The following EML4 variants were observed in gnomAD, a reference collection of about 807,000 sequenced individuals.
EML4 encodes EMAP like 4, also known as echinoderm microtubule-associated protein-like 4.
A neutral mutation model predicts 129.0 loss-of-function variants in EML4; 72 were observed. The observed-to-expected ratio is 0.56, with a 90% CI of 0.46 to 0.68. The LOEUF is 0.68. Among genes scored for constraint, EML4 ranks in the 30% least tolerant of loss-of-function variants. EML4 has a pLI of 0.00. For missense variants in EML4, 1,363 were observed against 1,190.6 expected (o/e 1.14, Z -2.13); for synonymous variants, 532 against 405.0 (o/e 1.31, Z -3.77).
At chr2:42,217,000 G>C (rs527541237) in intron 1 of EML4, among the ~76,000 whole-genome samples, 8 of 151,636 alleles carry the variant, frequency 5.3e-5, no homozygotes, top group South Asian at 2.1e-4. Flanking sequence ...AAGGAAGTTA[G>C]AAAAAAAATA....
At chr2:42,179,642 G>T (rs768918152) in intron 1 of EML4, among the ~76,000 whole-genome samples, 8 of 152,090 alleles carry the variant, frequency 5.3e-5, no homozygotes, top group African/African-American at 1.4e-4. Context: ...TCGCTCTGTC[G>T]CCCAGGCTGG....
At chr2:42,244,452 A>C (rs1461717889) in intron 1 of EML4, among the ~76,000 whole-genome samples, 2 of 152,186 alleles carry the variant, frequency 1.3e-5, no homozygotes, top group Non-Finnish European at 2.9e-5. Flanking sequence ...ATACAGTAGT[A>C]TAGTCTAAAG....
Position 42,331,440 on chromosome 2 carries a change from T to A in EML4, c.*1233T>A, listed in dbSNP as rs928706493. 1 of 223,842 alleles carries A rather than the reference T, an allele frequency of 4.5e-6. No individual in the cohort carries two copies. The highest frequency in any genetic ancestry group is 2.2e-5 in the African/African-American group (1 of 44,820). The allele number at this position is 223,842 out of a possible 1,614,324, so 13.9% of individuals were successfully genotyped here. A position where few individuals can be genotyped will look rare whatever the true frequency, so the allele number is the denominator to read the frequency against. On this transcript the variant is annotated 3_prime_UTR_variant, in exon 23 of 23. Transcript: ENST00000318522. ...TTAAGTTCTGTTGGCTAGCTATGGT[T>A]TTCAGTACATTTCCTACTTTAAGAG...
At chr2:42,216,738 A>G (rs1466153309) in intron 1 of EML4, among the ~76,000 whole-genome samples, 2 of 152,188 alleles carry the variant, frequency 1.3e-5, no homozygotes, top group Non-Finnish European at 2.9e-5. Flanking sequence ...ATTTCACTGA[A>G]TGGCTGGACT....
chr2:42,263,103 G>T, intron 4 of EML4, 75 bp from the exon 5 acceptor site: 1 of 1,237,130 alleles, frequency 8.1e-7, no homozygotes, highest in Non-Finnish European at 1.2e-6. Context: ...TGCTGCTTTT[G>T]TGTTCTGTTT....
At chr2:42,264,970 G>T in intron 6 of EML4, 2 of 1,547,322 alleles carry the variant, frequency 1.3e-6, no homozygotes, top group Non-Finnish European at 1.7e-6. Context: ...AAGCTACGCA[G>T]TTGGTTGCCT....
chr2:42,281,097 A>G (rs1252453977), intron 7 of EML4, 124 bp downstream of exon 7: 1 of 853,022 alleles, frequency 1.2e-6, no homozygotes, highest in Non-Finnish European at 1.7e-6. Context: ...TTAAAAAATT[A>G]AAAAGGAAAC....
At chr2:42,299,064 GT>G (rs1465834569) in intron 13 of EML4, among the ~76,000 whole-genome samples, 2 of 152,148 alleles carry the variant, frequency 1.3e-5, no homozygotes, top group African/African-American at 4.8e-5. Flanking sequence ...ACACAGTTGT[GT>G]TGTTCAATTT....
chr2:42,290,367 G>A (rs184885938), intron 11 of EML4, among the ~76,000 whole-genome samples: 9 of 151,936 alleles, frequency 5.9e-5, no homozygotes, highest in African/African-American at 1.2e-4. Flanking sequence ...TCAGTAAGGC[G>A]AGGGCAGCCC....
chr2:42,190,285 C>A (rs78634710), intron 1 of EML4, among the ~76,000 whole-genome samples: 1,748 of 152,204 alleles, frequency 0.011, 14 homozygotes, highest in Non-Finnish European at 0.017. Context: ...TGAGTCCCCC[C>A]ACAATGTCAG....
At chr2:42,287,478 TAAAG>T (rs1667374223) in intron 10 of EML4, among the ~76,000 whole-genome samples, 2 of 152,174 alleles carry the variant, frequency 1.3e-5, no homozygotes, top group South Asian at 2.1e-4. Context: ...GGCTAAGAGA[TAAAG>T]AGGAGAAGAG....
chr2:42,264,943 A>G, intron 6 of EML4: 1 of 1,550,486 alleles, frequency 6.4e-7, no homozygotes, highest in Non-Finnish European at 8.7e-7. Context: ...CGCGAAAAAA[A>G]CAGCCAAGGT....
chr2:42,182,303 C>T (rs894514046), intron 1 of EML4, among the ~76,000 whole-genome samples: 1 of 127,078 alleles, frequency 7.9e-6, no homozygotes, highest in African/African-American at 2.9e-5. Context: ...TGCTATCCCT[C>T]CCCCCTCCCC....
At chr2:42,222,137 T>G (rs1673644676) in intron 1 of EML4, among the ~76,000 whole-genome samples, 1 of 152,132 alleles carries the variant, frequency 6.6e-6, no homozygotes, top group South Asian at 2.1e-4. Context: ...AGAAGATAAT[T>G]TCTCAGCCCT....
At chr2:42,184,685 A>G (rs997150659) in intron 1 of EML4, among the ~76,000 whole-genome samples, 3 of 151,992 alleles carry the variant, frequency 2.0e-5, no homozygotes, top group Non-Finnish European at 2.9e-5. Flanking sequence ...GTTTAAGTCC[A>G]TCTCTTCTTT....
At chr2:42,222,728 A>G (rs547973731) in intron 1 of EML4, among the ~76,000 whole-genome samples, 4 of 152,318 alleles carry the variant, frequency 2.6e-5, no homozygotes, top group South Asian at 4.1e-4. Context: ...CTTAAAATAT[A>G]TATCCATTGA....
Position 42,317,433 on chromosome 2 carries a change from C to A in EML4, c.2063C>A (p.Thr688Asn). The A allele has an allele frequency of 4.4e-6, 7 of 1,606,262 alleles. No individual in the cohort carries two copies. Among genetic ancestry groups the A allele is most frequent in the South Asian group, 1.1e-5 (1 of 90,438 alleles). The change falls in exon 19 of 23, where the codon ACC (threonine) becomes AAC (asparagine). Residue 688 changes from threonine (T) to asparagine (N), a missense_variant. Physicochemically the swap from Thr to Asn is moderately conservative, Grantham distance 65. Coordinates refer to ENST00000318522, the MANE Select transcript of EML4 (RefSeq NM_019063.5). Reference protein sequence around the residue: ...LSVMRYSIDGTFLAVGSHDNF... With the variant: ...LSVMRYSIDGNFLAVGSHDNF... ...CTGACCTATTTTATTCTAGATGGTA[C>A]CTTCCTGGCTGTAGGATCTCATGAC...
intron 11 of EML4, among the ~76,000 whole-genome samples, chr2:42,290,384 C>G (rs554774432): frequency 6.6e-6 from 1 of 151,880 alleles, no homozygotes; most frequent in African/African-American, 2.4e-5. Flanking sequence ...GCCCAGATGA[C>G]CCGAGCTTGT....
At chr2:42,266,931 A>G (rs1038647754) in intron 6 of EML4, among the ~76,000 whole-genome samples, 13 of 152,196 alleles carry the variant, frequency 8.5e-5, no homozygotes, top group Admixed American at 3.3e-4. Flanking sequence ...GATGTGTGGA[A>G]AAGGAGTTTG....
Sources: gnomAD v4.1 joint callset for allele counts (sites outside exome capture counted in the v4.1 genomes callset) on GRCh38, gnomAD v4.1.1 for gene constraint, MANE v1.5 for transcripts, NCBI Gene and HGNC (gene_info 2026-07-23, HGNC 2026-07-21) for gene names.